The following IQCJ variants were observed in gnomAD, a reference collection of about 807,000 sequenced individuals.
The protein encoded by IQCJ is IQ domain-containing protein J.
A neutral mutation model predicts 11.0 loss-of-function variants in IQCJ; 9 were observed. The observed-to-expected ratio is 0.82, with a 90% CI of 0.49 to 1.43. The LOEUF (loss-of-function observed/expected upper bound fraction) is 1.43, where lower values mean the gene tolerates loss of function less well. IQCJ is among the 40% of genes most tolerant of loss of function. IQCJ has a pLI of 0.00. For missense variants in IQCJ, 146 were observed against 133.2 expected (o/e 1.10, Z -0.47); for synonymous variants, 55 against 51.3 (o/e 1.07, Z -0.31).
chr3:159,236,950 G>A (rs951459869), intron 1 of IQCJ, among the ~76,000 whole-genome samples: 2 of 152,120 alleles, frequency 1.3e-5, no homozygotes, highest in Non-Finnish European at 2.9e-5. Flanking sequence ...TTTAATTTTT[G>A]TTAAATAGTT....
intron 1 of IQCJ, among the ~76,000 whole-genome samples, chr3:159,238,714 G>A (rs915336329): frequency 1.3e-5 from 2 of 152,150 alleles, no homozygotes; most frequent in African/African-American, 4.8e-5. Flanking sequence ...GAAAATTGGG[G>A]TCTTCCCGAA....
chr3:159,200,104 A>AATATATATATATATATATATATAT lies in IQCJ; in HGVS notation c.10-45723_10-45722insATATATATATATATATATATATAT, dbSNP rs539820364. 3.7e-3 allele frequency among the ~76,000 whole-genome samples: 431 copies of AATATATATATATATATATATATAT among 116,738 alleles called. 16 individuals are homozygous for AATATATATATATATATATATATAT. Among genetic ancestry groups the AATATATATATATATATATATATAT allele is most frequent in the African/African-American group, 0.012 (313 of 26,262 alleles). The allele number at this position is 116,738 out of a possible 152,430, so 76.6% of individuals were successfully genotyped here. ...ATATGTATGTATGTGTTTATACATA[A>AATATATATATATATATATATATAT]ATATATATATATATATCACTTTGAA... is the stretch of plus-strand genomic sequence containing the variant. On this transcript the variant is annotated intron_variant, in intron 1 of 3. Coordinates refer to ENST00000397832, the MANE Select transcript of IQCJ (RefSeq NM_001042706.3).
intron 1 of IQCJ, among the ~76,000 whole-genome samples, chr3:159,205,512 C>T (rs1238463780): frequency 2.6e-5 from 4 of 152,170 alleles, no homozygotes; most frequent in African/African-American, 7.2e-5. Context: ...GGTCAACTAA[C>T]ACTGTGTGAC....
chr3:159,160,826 T>A (rs1474702945), intron 1 of IQCJ, among the ~76,000 whole-genome samples: 1 of 152,068 alleles, frequency 6.6e-6, no homozygotes, highest in Non-Finnish European at 1.5e-5. Flanking sequence ...AATGATGATT[T>A]CCAATTTCAT....
intron 1 of IQCJ, among the ~76,000 whole-genome samples, chr3:159,075,238 C>T (rs951890164): frequency 6.6e-6 from 1 of 152,116 alleles, no homozygotes; most frequent in Non-Finnish European, 1.5e-5. Flanking sequence ...AACTGAACAA[C>T]ATAACAGTCA....
At chr3:159,251,377 A>G (rs186526847) in intron 2 of IQCJ, among the ~76,000 whole-genome samples, 96 of 151,676 alleles carry the variant, frequency 6.3e-4, no homozygotes, top group Admixed American at 6.3e-3. Context: ...TCCCACCACA[A>G]ATCATCCTTA....
At chr3:159,215,607 A>C (rs1725180878) in intron 1 of IQCJ, among the ~76,000 whole-genome samples, 1 of 152,212 alleles carries the variant, frequency 6.6e-6, no homozygotes, top group Non-Finnish European at 1.5e-5. Flanking sequence ...ATGAGTGTGC[A>C]AATGGAGGTA....
At chr3:159,187,707 A>G (rs967878611) in intron 1 of IQCJ, among the ~76,000 whole-genome samples, 8 of 152,240 alleles carry the variant, frequency 5.3e-5, no homozygotes, top group Non-Finnish European at 1.0e-4. Flanking sequence ...GTTTTTCAGC[A>G]TAGTTCCCTT....
intron 1 of IQCJ, among the ~76,000 whole-genome samples, chr3:159,128,463 G>A (rs113878012): frequency 1.3e-5 from 2 of 152,260 alleles, no homozygotes; most frequent in South Asian, 2.1e-4. Flanking sequence ...GTCATTTTCT[G>A]AAGATACACA....
chr3:159,183,132 C>T (rs1312452685), intron 1 of IQCJ, among the ~76,000 whole-genome samples: 1 of 152,056 alleles, frequency 6.6e-6, no homozygotes, highest in South Asian at 2.1e-4. Flanking sequence ...GGATAGCCAT[C>T]AGATACAGCC....
chr3:159,142,098 G>A (rs900428358), intron 1 of IQCJ, among the ~76,000 whole-genome samples: 1 of 152,128 alleles, frequency 6.6e-6, no homozygotes, highest in Non-Finnish European at 1.5e-5. Flanking sequence ...GACTAATTAC[G>A]TTACTGTTCT....
chr3:159,149,169 C>T (rs57450494), intron 1 of IQCJ, among the ~76,000 whole-genome samples: 3,180 of 152,212 alleles, frequency 0.021, 109 homozygotes, highest in African/African-American at 0.074. Context: ...ACTTTTCTTC[C>T]GGTGCTCACA....
At chr3:159,117,477 A>G (rs1719098926) in intron 1 of IQCJ, among the ~76,000 whole-genome samples, 1 of 152,200 alleles carries the variant, frequency 6.6e-6, no homozygotes, top group Non-Finnish European at 1.5e-5. Context: ...TTATTTAATC[A>G]TTTAATAAAA....
chr3:159,116,372 A>G (rs1718998575), intron 1 of IQCJ, among the ~76,000 whole-genome samples: 1 of 152,082 alleles, frequency 6.6e-6, no homozygotes, highest in Non-Finnish European at 1.5e-5. Context: ...GTCTTTGTTC[A>G]CTTTCTCCAA....
intron 1 of IQCJ, among the ~76,000 whole-genome samples, chr3:159,225,236 C>T (rs2108131181): frequency 6.6e-6 from 1 of 152,268 alleles, no homozygotes; most frequent in East Asian, 1.9e-4. Context: ...TATTCATACA[C>T]ACGAAGTGAA....
chr3:159,120,592 C>T (rs1236971941), intron 1 of IQCJ, among the ~76,000 whole-genome samples: 1 of 152,190 alleles, frequency 6.6e-6, no homozygotes, highest in Non-Finnish European at 1.5e-5. Context: ...ATATAGCATC[C>T]TTTCTGCCAC....
chr3:159,175,233 A>G (rs530034281), intron 1 of IQCJ, among the ~76,000 whole-genome samples: 8 of 152,342 alleles, frequency 5.3e-5, no homozygotes, highest in African/African-American at 1.7e-4. Flanking sequence ...GCACTTCAGG[A>G]GGCTGAAGCA....
intron 1 of IQCJ, among the ~76,000 whole-genome samples, chr3:159,224,724 T>C (rs1167617761): frequency 1.4e-5 from 2 of 142,862 alleles, no homozygotes; most frequent in Non-Finnish European, 3.2e-5. Context: ...TTGTTGAACT[T>C]CACCATGAGC....
At chr3:159,225,051 G>A (rs757854457) in intron 1 of IQCJ, among the ~76,000 whole-genome samples, 2 of 152,054 alleles carry the variant, frequency 1.3e-5, no homozygotes, top group Non-Finnish European at 2.9e-5. Context: ...AGAAAGTTGT[G>A]TTCAAACAAA....
Sources: allele counts gnomAD v4.1 joint callset (sites outside exome capture counted in the v4.1 genomes callset), GRCh38; gene constraint gnomAD v4.1.1; transcripts MANE v1.5; gene names NCBI Gene and HGNC (gene_info 2026-07-23, HGNC 2026-07-21).